DLG1: variants seen among roughly 807,000 people sequenced by gnomAD.
DLG1 encodes the protein disks large homolog 1.
Under a neutral mutation model 123.4 loss-of-function variants are expected in DLG1, and 42 were observed. That is an observed-to-expected ratio of 0.34 (90% CI 0.27 to 0.44). The LOEUF (loss-of-function observed/expected upper bound fraction) is 0.44, where lower values mean the gene tolerates loss of function less well. DLG1 is among the 20% of genes least tolerant of loss of function. The pLI is 1.00. For synonymous variants in DLG1, 317 were observed against 356.2 expected (o/e 0.89, Z 1.24); for missense variants, 942 against 1,082.6 (o/e 0.87, Z 1.82).
At chr3:197,152,676 T>C (rs1794539786) in intron 5 of DLG1, among the ~76,000 whole-genome samples, 1 of 140,748 alleles carries the variant, frequency 7.1e-6, no homozygotes, top group South Asian at 2.2e-4. Flanking sequence ...GGCAGGAGAA[T>C]GGTGTGAACC....
At position 197,211,489 on chromosome 3, in the gene DLG1, C is replaced by T. The variant is rs138136786; in HGVS notation, c.319-16900G>A. On this transcript the variant is annotated intron_variant, in intron 4 of 24. Transcript: ENST00000667157. ...CGGGATGCAAGGCTGGTTCAATACA[C>T]GCCAATCAATAAATGTGATTCATCA... Among the ~76,000 whole-genome samples the T allele has an allele frequency of 1.8e-4, 26 of 146,676 alleles. 3 individuals are homozygous for T. The highest frequency in any genetic ancestry group is 4.1e-4 in the Admixed American group (6 of 14,624).
intron 5 of DLG1, among the ~76,000 whole-genome samples, chr3:197,164,451 C>T (rs1181441303): frequency 6.6e-6 from 1 of 150,950 alleles, no homozygotes; most frequent in Non-Finnish European, 1.5e-5. Flanking sequence ...AGAAATCTAC[C>T]CTAAGGAAAT....
intron 1 of DLG1, chr3:197,297,774 G>A (rs1778229456): frequency 1.0e-6 from 1 of 985,794 alleles, no homozygotes; most frequent in Non-Finnish European, 1.2e-6. Flanking sequence ...CACCTCCGCG[G>A]GCCCCCACAC....
At chr3:197,162,174 T>C (rs1316287411) in intron 5 of DLG1, among the ~76,000 whole-genome samples, 2 of 152,132 alleles carry the variant, frequency 1.3e-5, no homozygotes, top group Admixed American at 1.3e-4. Flanking sequence ...AGTTTACAAA[T>C]CCGTGATACT....
At chr3:197,081,207 G>T in intron 16 of DLG1, 90 bp from the exon 17 acceptor site, 1 of 1,207,456 alleles carries the variant, frequency 8.3e-7, no homozygotes, top group Non-Finnish European at 1.2e-6. Flanking sequence ...TTTATAATGG[G>T]CATTTTTATA....
chr3:197,188,718 A>G (rs906947048), intron 5 of DLG1, among the ~76,000 whole-genome samples: 1 of 152,190 alleles, frequency 6.6e-6, no homozygotes, highest in Admixed American at 6.5e-5. Flanking sequence ...AAAGCTCTCT[A>G]TATTAGCTTT....
chr3:197,271,475 AAAT>A (rs1763892784), intron 4 of DLG1, among the ~76,000 whole-genome samples: 1 of 152,152 alleles, frequency 6.6e-6, no homozygotes, highest in Non-Finnish European at 1.5e-5. Flanking sequence ...TGAACTCTCT[AAAT>A]AAATTAATAG....
At chr3:197,225,174 G>A (rs1004342309) in intron 4 of DLG1, among the ~76,000 whole-genome samples, 7 of 152,120 alleles carry the variant, frequency 4.6e-5, no homozygotes, top group Admixed American at 4.6e-4. Context: ...TAACCAGGAC[G>A]GTCTCGATCT....
chr3:197,061,485 TA>T (rs1735767373), intron 22 of DLG1, among the ~76,000 whole-genome samples: 1 of 152,078 alleles, frequency 6.6e-6, no homozygotes, highest in African/African-American at 2.4e-5. Flanking sequence ...TGGAAAAGAG[TA>T]AAAAAATGTC....
At chr3:197,146,337 A>C (rs1577056779) in intron 6 of DLG1, among the ~76,000 whole-genome samples, 1 of 152,328 alleles carries the variant, frequency 6.6e-6, no homozygotes, top group South Asian at 2.1e-4. Context: ...AAGAGCCTCC[A>C]CAGACAAAGC....
intron 11 of DLG1, among the ~76,000 whole-genome samples, chr3:197,128,035 G>C (rs1345356582): frequency 6.6e-6 from 1 of 152,040 alleles, no homozygotes; most frequent in African/African-American, 2.4e-5. Flanking sequence ...TGAAGGGTGG[G>C]GTGCCTGTGT....
At chr3:197,228,789 T>A (rs1741298027) in intron 4 of DLG1, among the ~76,000 whole-genome samples, 1 of 152,152 alleles carries the variant, frequency 6.6e-6, no homozygotes, top group Non-Finnish European at 1.5e-5. Flanking sequence ...TCAAACTACC[T>A]AAGAAACAAT....
chr3:197,058,106 G>T (rs1452442364), intron 23 of DLG1, among the ~76,000 whole-genome samples: 1 of 151,874 alleles, frequency 6.6e-6, no homozygotes, highest in African/African-American at 2.4e-5. Context: ...AGCATCCCAA[G>T]TAGCTGAGAC....
chr3:197,251,724 GA>G (rs1483590361), intron 4 of DLG1, among the ~76,000 whole-genome samples: 1 of 152,124 alleles, frequency 6.6e-6, no homozygotes, highest in Admixed American at 6.5e-5. Context: ...ACAAAGTGAA[GA>G]GAAAACTCAC....
At chr3:197,153,044 TTA>T (rs1317865358) in intron 5 of DLG1, among the ~76,000 whole-genome samples, 2 of 152,200 alleles carry the variant, frequency 1.3e-5, no homozygotes, top group Non-Finnish European at 2.9e-5. Flanking sequence ...CAAAGTTTCA[TTA>T]TGTTATTTGT....
chr3:197,155,059 G>A (rs1172811660), intron 5 of DLG1, among the ~76,000 whole-genome samples: 1 of 152,038 alleles, frequency 6.6e-6, no homozygotes, highest in Non-Finnish European at 1.5e-5. Flanking sequence ...TGAAACACAT[G>A]AATATAAACA....
intron 17 of DLG1, 91 bp downstream of exon 17, chr3:197,080,960 A>G: frequency 8.2e-7 from 1 of 1,223,222 alleles, no homozygotes. Context: ...GCAAGAACTG[A>G]TCATGAATAA....
chr3:197,294,471 C>T (rs951009661), intron 3 of DLG1, among the ~76,000 whole-genome samples: 2 of 151,886 alleles, frequency 1.3e-5, no homozygotes, highest in African/African-American at 4.8e-5. Flanking sequence ...ACAGTGAAAC[C>T]CCGTCTTTAC....
At chr3:197,297,980 T>C in intron 1 of DLG1, 1 of 959,370 alleles carries the variant, frequency 1.0e-6, no homozygotes, top group Non-Finnish European at 1.2e-6. Flanking sequence ...CGCGGCCTCG[T>C]CCTCCTTCTC....
Sources: gnomAD v4.1 joint callset for allele counts (sites outside exome capture counted in the v4.1 genomes callset) on GRCh38, gnomAD v4.1.1 for gene constraint, MANE v1.5 for transcripts, NCBI Gene and HGNC (gene_info 2026-07-23, HGNC 2026-07-21) for gene names.